CYP4A22: variants seen among roughly 807,000 people sequenced by gnomAD.
CYP4A22 encodes the protein cytochrome P450 4A22.
A neutral mutation model predicts 56.2 loss-of-function variants in CYP4A22; 46 were observed. The ratio of observed to expected loss-of-function variants is 0.82; its 90% CI spans 0.65 to 1.05. The LOEUF (loss-of-function observed/expected upper bound fraction) is 1.05. Among genes scored for constraint, CYP4A22 ranks in the 50% least tolerant of loss-of-function variants. CYP4A22 has a pLI of 0.00. For missense variants in CYP4A22, 541 were observed against 645.9 expected (o/e 0.84, Z 1.76); for synonymous variants, 193 against 251.1 (o/e 0.77, Z 2.19).
chr1:47,142,396 T>C (rs1645022055), intron 4 of CYP4A22, among the ~76,000 whole-genome samples, 161 bp downstream of exon 4: 1 of 152,224 alleles, frequency 6.6e-6, no homozygotes, highest in South Asian at 2.1e-4. Flanking sequence ...CAGAGTTGTA[T>C]AAGGTAGGAG....
Position 47,143,326 on chromosome 1 carries a change from T to C in CYP4A22, c.568T>C (p.Ser190Pro). The change falls in exon 5 of 12, where the codon TCC (serine) becomes CCC (proline). Residue 190 changes from serine (S) to proline (P), a missense_variant. Ser to Pro is a moderately conservative substitution (Grantham distance 74, BLOSUM62 -1). Transcript: ENST00000371891. ...DSPLEVFQHV[S>P]LMTLDTIMKS... is the part of the protein sequence containing the mutation. ...CCCTCTGGAGGTCTTTCAGCACGTC[T>C]CCTTGATGACCCTGGACACCATCAT... The C allele has an allele frequency of 2.5e-6, 4 of 1,613,900 alleles. No homozygotes were observed. The highest frequency in any genetic ancestry group is 3.4e-6 in the Non-Finnish European group (4 of 1,179,840).
intron 11 of CYP4A22, chr1:47,147,161 A>G: frequency 2.0e-6 from 2 of 985,424 alleles, no homozygotes; most frequent in Non-Finnish European, 2.4e-6. Flanking sequence ...TGGTGAGTCC[A>G]CTTACATGGA....
Sources: gnomAD v4.1 joint callset for allele counts (sites outside exome capture counted in the v4.1 genomes callset) on GRCh38, gnomAD v4.1.1 for gene constraint, MANE v1.5 for transcripts, NCBI Gene and HGNC (gene_info 2026-07-23, HGNC 2026-07-21) for gene names.